The following GMPS variants were observed in gnomAD, a reference collection of about 807,000 sequenced individuals.
GMPS encodes guanosine monophosphate synthase.
Under a neutral mutation model 77.9 loss-of-function variants are expected in GMPS, and 15 were observed. The observed-to-expected ratio is 0.19, with a 90% CI of 0.13 to 0.30. GMPS has a LOEUF of 0.30. Ranked by LOEUF, GMPS falls within the 10% of genes least tolerant of loss-of-function variation. The pLI is 1.00. For missense variants in GMPS, 590 were observed against 838.8 expected (o/e 0.70, Z 3.66); for synonymous variants, 224 against 275.9 (o/e 0.81, Z 1.86).
chr3:155,925,037 T>C (rs1177335697), intron 11 of GMPS, among the ~76,000 whole-genome samples: 1 of 152,216 alleles, frequency 6.6e-6, no homozygotes, highest in Non-Finnish European at 1.5e-5. Flanking sequence ...AAATATAATC[T>C]GCATTTCTTA....
chr3:155,907,072 G>C (rs1277359967), intron 5 of GMPS, among the ~76,000 whole-genome samples: 1 of 152,160 alleles, frequency 6.6e-6, no homozygotes, highest in Non-Finnish European at 1.5e-5. Context: ...TGGACATGCT[G>C]AATTTAGTAA....
At chr3:155,884,252 G>C (rs978977280) in intron 1 of GMPS, among the ~76,000 whole-genome samples, 5 of 151,624 alleles carry the variant, frequency 3.3e-5, no homozygotes, top group African/African-American at 1.2e-4. Flanking sequence ...TGGGCATGGT[G>C]GTGCACTCCT....
At chr3:155,870,997 C>A in intron 1 of GMPS, 100 bp downstream of exon 1, 1 of 1,133,096 alleles carries the variant, frequency 8.8e-7, no homozygotes, top group Admixed American at 4.0e-5. Flanking sequence ...CTTCCCCCAG[C>A]CCGTCCGCGC....
chr3:155,906,151 T>TA lies in GMPS; in HGVS notation c.423-8dup, dbSNP rs1487019992. 6.7e-7 allele frequency: 1 copy of TA among 1,488,898 alleles called. No individual in the cohort carries two copies. Among genetic ancestry groups the TA allele is most frequent in the Non-Finnish European group, 9.2e-7 (1 of 1,092,254 alleles). 92.2% of individuals were successfully genotyped at this position (1,488,898 alleles called of 1,614,324 possible). ...AGATATTTGTGTGTTTTATTTTTTG[T>TA]ATGTTTAGGGGCCTTCAGAAGGAAG... On this transcript the variant is annotated splice_polypyrimidine_tract_variant and intron_variant, in intron 4 of 15. Coordinates refer to ENST00000496455, the MANE Select transcript of GMPS (RefSeq NM_003875.3).
chr3:155,931,941 C>T (rs878925239), intron 13 of GMPS, 61 bp downstream of exon 13: 1 of 763,912 alleles, frequency 1.3e-6, no homozygotes, highest in Non-Finnish European at 2.3e-6. Flanking sequence ...TTCTTAAGGG[C>T]TTTCAATTAA....
At chr3:155,875,537 TA>T (rs1177331140) in intron 1 of GMPS, among the ~76,000 whole-genome samples, 1 of 152,264 alleles carries the variant, frequency 6.6e-6, no homozygotes, top group African/African-American at 2.4e-5. Context: ...GCCCTGGCCT[TA>T]AACTTTGTTT....
At chr3:155,871,352 G>C (rs866250676) in intron 1 of GMPS, among the ~76,000 whole-genome samples, 14 of 152,136 alleles carry the variant, frequency 9.2e-5, no homozygotes, top group South Asian at 2.1e-4. Flanking sequence ...GGGCAGGGTC[G>C]GGGCCTCCTG....
chr3:155,903,376 A>G (rs1020148579), intron 3 of GMPS, among the ~76,000 whole-genome samples: 2 of 152,240 alleles, frequency 1.3e-5, no homozygotes, highest in African/African-American at 4.8e-5. Flanking sequence ...TCCCATCTCT[A>G]TAGCACAGCC....
At chr3:155,909,754 C>A (rs1293620156) in intron 5 of GMPS, among the ~76,000 whole-genome samples, 1 of 151,466 alleles carries the variant, frequency 6.6e-6, no homozygotes, top group African/African-American at 2.4e-5. Context: ...GTTCAACAGG[C>A]AACAAGATAA....
intron 12 of GMPS, among the ~76,000 whole-genome samples, chr3:155,928,961 A>T (rs1047003424): frequency 6.6e-6 from 1 of 150,396 alleles, no homozygotes; most frequent in African/African-American, 2.4e-5. Context: ...GTTGGTTCCA[A>T]GTCTTTGCTA....
rs1399809310 is a variant in GMPS at position 155,941,553 on chromosome 3, A to G, written c.*3861A>G. 4.5e-6 allele frequency: 1 copy of G among 220,956 alleles called. No homozygotes were observed. Among genetic ancestry groups the G allele is most frequent in the Non-Finnish European group, 9.1e-6 (1 of 110,350 alleles). 13.7% of individuals were successfully genotyped at this position (220,956 alleles called of 1,614,324 possible). ...CTCTGACATCTGCTTGCGCAATGTT[A>G]TAACCACTTTCCCACACTACTCCCC... On this transcript the variant is annotated 3_prime_UTR_variant, in exon 16 of 16. Transcript: ENST00000496455.
rs1253306705 is a variant in GMPS at position 155,938,518 on chromosome 3, A to G, written c.*826A>G. On this transcript the variant is annotated 3_prime_UTR_variant, in exon 16 of 16. Transcript: ENST00000496455. ...ACTGGCTCAATGACGTTTCTGGTGTAGTGCAGATAGAGGTCAAGAGGAGCA... is the reference window on the plus strand; with the variant it reads ...ACTGGCTCAATGACGTTTCTGGTGTGGTGCAGATAGAGGTCAAGAGGAGCA... 2 of 208,736 alleles carry G rather than the reference A, an allele frequency of 9.6e-6. No individual in the cohort carries two copies. The highest frequency in any genetic ancestry group is 2.0e-5 in the Non-Finnish European group (2 of 102,424). 12.9% of individuals were successfully genotyped at this position (208,736 alleles called of 1,614,324 possible).
chr3:155,900,522 G>A (rs990223726), intron 3 of GMPS, among the ~76,000 whole-genome samples: 9 of 152,048 alleles, frequency 5.9e-5, no homozygotes, highest in Non-Finnish European at 1.3e-4. Flanking sequence ...TCCTAAGGAA[G>A]AATCTCACAA....
At position 155,937,857 on chromosome 3, in the gene GMPS, A is replaced by T; in HGVS notation, c.*165A>T. Reference sequence around the variant, plus strand: ...CTTAAGAGCTGAGTTGGGGATAACCAAAAGGGACTGAAGAGTTTGTACGGG... The same window carrying T: ...CTTAAGAGCTGAGTTGGGGATAACCTAAAGGGACTGAAGAGTTTGTACGGG... On this transcript the variant is annotated 3_prime_UTR_variant, in exon 16 of 16. Coordinates refer to ENST00000496455, the MANE Select transcript of GMPS (RefSeq NM_003875.3). 1 of 573,680 alleles carries T rather than the reference A, an allele frequency of 1.7e-6. No homozygotes were observed. The highest frequency in any genetic ancestry group is 2.8e-5 in the East Asian group (1 of 35,434). 35.5% of individuals were successfully genotyped at this position (573,680 alleles called of 1,614,324 possible). A position where few individuals can be genotyped will look rare whatever the true frequency, so the allele number is the denominator to read the frequency against.
rs1399961187 is a variant in GMPS at position 155,888,665 on chromosome 3, AACCTTC to A, written c.28-4848_28-4843del. Among the ~76,000 whole-genome samples, 3 of 150,594 alleles carry A rather than the reference AACCTTC, an allele frequency of 2.0e-5. No individual in the cohort carries two copies. The Admixed American group carries it at 2.0e-4, about 10-fold the overall frequency. On this transcript the variant is annotated intron_variant, in intron 1 of 15. Transcript: ENST00000496455. The stretch of plus-strand genomic sequence containing the variant: ...CAATGGTGTGATCTCAGCTCGCTGC[AACCTTC>A]ACCTCCAAGGTTTGAGCAATTCTCC...
intron 15 of GMPS, 109 bp downstream of exon 15, chr3:155,936,619 G>T: frequency 1.5e-6 from 1 of 660,282 alleles, no homozygotes. Context: ...TTGGTTTTCT[G>T]TTCATAAGAT....
intron 1 of GMPS, among the ~76,000 whole-genome samples, chr3:155,886,659 C>T (rs560626852): frequency 8.0e-6 from 1 of 125,266 alleles, no homozygotes; most frequent in African/African-American, 3.1e-5. Context: ...CTTGCTCTGT[C>T]ACCCAGGCTG....
chr3:155,933,365 A>G (rs1755677664), intron 13 of GMPS, among the ~76,000 whole-genome samples: 1 of 152,096 alleles, frequency 6.6e-6, no homozygotes, highest in South Asian at 2.1e-4. Context: ...ACTGTCATAT[A>G]TAGTGTGGGT....
At chr3:155,922,644 A>C (rs1326197739) in intron 11 of GMPS, among the ~76,000 whole-genome samples, 1 of 152,218 alleles carries the variant, frequency 6.6e-6, no homozygotes, top group Non-Finnish European at 1.5e-5. Flanking sequence ...GAGGACAGCT[A>C]CTAATCCTTT....
Sources: allele counts gnomAD v4.1 joint callset (sites outside exome capture counted in the v4.1 genomes callset), GRCh38; gene constraint gnomAD v4.1.1; transcripts MANE v1.5; gene names NCBI Gene and HGNC (gene_info 2026-07-23, HGNC 2026-07-21).